C4orf50: variants seen among roughly 807,000 people sequenced by gnomAD.
The protein encoded by C4orf50 is uncharacterized protein C4orf50.
Under a neutral mutation model 77.2 loss-of-function variants are expected in C4orf50, and 80 were observed. The ratio of observed to expected loss-of-function variants is 1.04; its 90% confidence interval spans 0.87 to 1.25. The LOEUF (loss-of-function observed/expected upper bound fraction) is 1.25. C4orf50 is among the 50% of genes most tolerant of loss of function. The pLI is 0.00. For synonymous variants in C4orf50, 532 were observed against 465.3 expected, an observed-to-expected ratio of 1.14 and a Z score of -1.84; for missense variants, 1,257 against 1,152.9, an observed-to-expected ratio of 1.09 and a Z score of -1.31.
At chr4:5,995,518 C>T (rs566123271) in intron 25 of C4orf50, among the ~76,000 whole-genome samples, 3 of 144,364 alleles carry the variant, frequency 2.1e-5, no homozygotes, top group African/African-American at 7.6e-5. Context: ...CACACACACA[C>T]TCAGCTGTCA....
intron 28 of C4orf50, among the ~76,000 whole-genome samples, chr4:5,983,755 C>A (rs1030923613): frequency 2.0e-5 from 3 of 152,148 alleles, no homozygotes; most frequent in African/African-American, 7.2e-5. Flanking sequence ...AAGTGTTGGT[C>A]CTGCTAGATG....
At position 6,003,606 on chromosome 4, in the gene C4orf50, GTGA is replaced by G. The variant is rs1384196320; in HGVS notation, c.963+4387_963+4389del. Among the ~76,000 whole-genome samples, 24 of 64,238 alleles carry G rather than the reference GTGA, an allele frequency of 3.7e-4. No individual in the cohort carries two copies. The East Asian group carries it at 0.015, about 40-fold the overall frequency. 42.1% of individuals were successfully genotyped at this position (64,238 alleles called of 152,430 possible). A position where few individuals can be genotyped will look rare whatever the true frequency, so the allele number is the denominator to read the frequency against. The stretch of plus-strand genomic sequence containing the variant: ...GATGGTGATGTTGATGGTGGTGATG[GTGA>G]TGATGGTGATGGTGGTGATGACGGT... On this transcript the variant is annotated intron_variant, in intron 25 of 33. Transcript: ENST00000531445.
exon 28 of C4orf50, chr4:5,989,466 A>G (rs1039038124): frequency 2.6e-6 from 4 of 1,535,576 alleles, no homozygotes; most frequent in African/African-American, 1.4e-5. Context: ...AAATACCCCA[A>G]TTTCCCCAAA....
intron 7 of C4orf50, among the ~76,000 whole-genome samples, chr4:5,922,115 TC>T (rs1717301979): frequency 6.6e-6 from 1 of 152,024 alleles, no homozygotes; most frequent in African/African-American, 2.4e-5. Context: ...TCAGCTCAGA[TC>T]CCAGTGGCTG....
In C4orf50 at chr4:5,932,776, A is replaced by G. The variant is rs1717824136; in HGVS notation, c.*2474+24125T>C. 1.3e-5 allele frequency among the ~76,000 whole-genome samples: 2 copies of G among 152,122 alleles called. No individual in the cohort carries two copies. The highest frequency in any genetic ancestry group is 1.5e-5 in the Non-Finnish European group (1 of 68,034). ...AAAAAAGCAAGAGAGCTGGATTTCA[A>G]TCCCAGATCAGCAGAAATAGAAGGC... On this transcript the variant is annotated intron_variant, in intron 7 of 7. Transcript: ENST00000324058. This position sits in a 1 kb window ranked among gnomAD's most constrained non-coding sequence, Gnocchi z 4.2.
intron 7 of C4orf50, among the ~76,000 whole-genome samples, chr4:5,906,622 T>C (rs77327111): frequency 0.049 from 7,521 of 152,246 alleles, 554 homozygotes; most frequent in African/African-American, 0.17. Context: ...GCCCCATGAC[T>C]GACTTCACCA....
At chr4:5,923,088 G>A (rs886418765) in intron 7 of C4orf50, among the ~76,000 whole-genome samples, 24 of 152,156 alleles carry the variant, frequency 1.6e-4, no homozygotes, top group Admixed American at 3.3e-4. Context: ...TGGAGTAGAC[G>A]CGATTTTCCC....
exon 28 of C4orf50, chr4:5,988,994 C>T (rs1472746416): frequency 6.5e-7 from 1 of 1,536,094 alleles, no homozygotes; most frequent in Admixed American, 2.0e-5. Flanking sequence ...TTTTCCTCTT[C>T]AAGCTCCAAA....
At chr4:5,956,904 C>T (rs900724857), downstream of C4orf50, 5 of 152,348 alleles carry the variant, frequency 3.3e-5, no homozygotes, top group African/African-American at 1.2e-4. Context: ...CCTGAACCTA[C>T]TGGGTTGCCA....
At chr4:5,991,369 C>T (rs946664834) in intron 27 of C4orf50, among the ~76,000 whole-genome samples, 21 of 152,320 alleles carry the variant, frequency 1.4e-4, no homozygotes, top group Admixed American at 5.2e-4. Context: ...CTGTGAGCAG[C>T]GCTGCAGAAG....
intron 7 of C4orf50, among the ~76,000 whole-genome samples, chr4:5,927,143 G>A (rs555835260): frequency 5.3e-5 from 8 of 152,200 alleles, no homozygotes; most frequent in South Asian, 2.1e-4. Context: ...GTCTGGCGGT[G>A]CAGTCTCCCC....
chr4:5,914,450 C>T (rs1362005836), intron 7 of C4orf50, among the ~76,000 whole-genome samples: 1 of 151,916 alleles, frequency 6.6e-6, no homozygotes, highest in Non-Finnish European at 1.5e-5. Context: ...GTGGTCCACC[C>T]GCCTCGGCCT....
intron 31 of C4orf50, among the ~76,000 whole-genome samples, chr4:5,969,125 A>G (rs1163946123): frequency 6.6e-6 from 1 of 152,196 alleles, no homozygotes; most frequent in African/African-American, 2.4e-5. Flanking sequence ...GATGAGAAGG[A>G]ACGTCCACTA....
intron 31 of C4orf50, among the ~76,000 whole-genome samples, chr4:5,971,304 AG>A (rs1418983766): frequency 2.0e-5 from 3 of 152,184 alleles, no homozygotes; most frequent in African/African-American, 7.2e-5. Context: ...CCTGGCTACC[AG>A]TAGGAGGAGT....
At chr4:5,962,813 T>C (rs910679102) in intron 33 of C4orf50, among the ~76,000 whole-genome samples, 3 of 152,176 alleles carry the variant, frequency 2.0e-5, no homozygotes, top group Admixed American at 6.5e-5. Flanking sequence ...TTTGGGTGTG[T>C]TTTCTGTTTC....
intron 33 of C4orf50, among the ~76,000 whole-genome samples, chr4:5,960,732 G>T (rs987450813): frequency 6.6e-6 from 1 of 152,226 alleles, no homozygotes; most frequent in African/African-American, 2.4e-5. Context: ...AGCTGGGAAG[G>T]CCTCATGGAG....
At chr4:5,955,574 G>A (rs1718919242), downstream of C4orf50, among the ~76,000 whole-genome samples, 1 of 152,218 alleles carries the variant, frequency 6.6e-6, no homozygotes, top group Non-Finnish European at 1.5e-5. The surrounding 1 kb of genome is among the most constrained non-coding windows in gnomAD (Gnocchi z 5.1). Context: ...GCCGCGTGGT[G>A]GATGGGGATA....
rs114112017 is a variant in C4orf50 at position 5,973,728 on chromosome 4, C to T, written c.4035G>A (p.Ala1345=). 7.8e-3 allele frequency: 12,608 copies of T among 1,613,974 alleles called. 89 individuals carry two copies. The highest frequency in any genetic ancestry group is 0.012 in the Middle Eastern group (70 of 6,058). Residue 1345 remains alanine (A), a synonymous_variant, in exon 31 of 34, where the codon GCG becomes GCA. Coordinates refer to ENST00000531445, the Ensembl canonical transcript of C4orf50. ...GTGCCACGTCGTTGAGCATGTTCTG[C>T]GCCAGCTCGGAGAGCAGGAGGTTCC...
chr4:5,997,064 A>G (rs1721624123), intron 25 of C4orf50, among the ~76,000 whole-genome samples: 1 of 152,246 alleles, frequency 6.6e-6, no homozygotes, highest in African/African-American at 2.4e-5. Context: ...GGAATAGGAT[A>G]GGGAAAGGAA....
Sources: allele counts gnomAD v4.1 joint callset (sites outside exome capture counted in the v4.1 genomes callset), GRCh38; gene constraint gnomAD v4.1.1; non-coding constraint Gnocchi (gnomAD v3.1); transcripts MANE v1.5; gene names NCBI Gene and HGNC (gene_info 2026-07-23, HGNC 2026-07-21).